KLF16: variants seen among roughly 807,000 people sequenced by gnomAD.
The protein encoded by KLF16 is KLF transcription factor 16.
KLF16 carries 6 observed loss-of-function variants against 6.1 expected under a neutral mutation model. The observed-to-expected ratio is 0.98, with a 90% CI of 0.54 to 1.93. The LOEUF (loss-of-function observed/expected upper bound fraction) is 1.93, where lower values mean the gene tolerates loss of function less well. Among genes scored for constraint, KLF16 ranks in the 30% most tolerant of loss-of-function variants. The pLI is 0.01. For synonymous variants in KLF16, 211 were observed against 176.5 expected (o/e 1.20, Z -1.55); for missense variants, 355 against 363.8 (o/e 0.98, Z 0.20).
In KLF16 at chr19:1,863,410, G is replaced by A. The variant is rs2012114792; in HGVS notation, c.88C>T (p.Pro30Ser). ...GCGGGGCCCGCGCCCTCGGGGCCGGGCCGCCCGCGGTGCACCACGGCGCCC... is the reference window on the plus strand; with the variant it reads ...GCGGGGCCCGCGCCCTCGGGGCCGGACCGCCCGCGGTGCACCACGGCGCCC... ...SSGAVVHRGR[P>S]GPEGAGPAAG... The change falls in exon 1 of 2, where the codon CCC becomes TCC. Residue 30 changes from proline to serine, a missense_variant. By Grantham distance (74) the Pro-to-Ser change is moderately conservative (BLOSUM62 -1). Coordinates refer to ENST00000250916, the MANE Select transcript of KLF16 (RefSeq NM_031918.4). 3 of 998,912 alleles carry A rather than the reference G, an allele frequency of 3.0e-6. No individual in the cohort carries two copies. Among genetic ancestry groups the A allele is most frequent in the South Asian group, 4.0e-5 (1 of 25,212 alleles). 61.9% of individuals were successfully genotyped at this position (998,912 alleles called of 1,614,324 possible).
the KLF16 span, among the ~76,000 whole-genome samples, chr19:1,873,726 G>C: frequency 1.3e-5 from 2 of 152,262 alleles, no homozygotes; most frequent in Non-Finnish European, 2.9e-5. Context: ...TCCTGGAATA[G>C]AGTGCTGGCC....
chr19:1,874,893 T>C, the KLF16 span: 4 of 151,198 alleles, frequency 2.6e-5, no homozygotes, highest in African/African-American at 9.7e-5. Flanking sequence ...GGCTTTTAAA[T>C]AGTCAAACGT....
chr19:1,870,548 C>G, the KLF16 span, among the ~76,000 whole-genome samples: 51 of 152,110 alleles, frequency 3.4e-4, no homozygotes, highest in African/African-American at 1.2e-3. Context: ...GTGTGCCTGT[C>G]GTCCCAGGTA....
intron 1 of KLF16, among the ~76,000 whole-genome samples, chr19:1,855,587 G>T (rs545136300): frequency 6.6e-6 from 1 of 152,342 alleles, no homozygotes; most frequent in African/African-American, 2.4e-5. Context: ...CCCCTAACCA[G>T]CCGTCACCAT....
chr19:1,870,217 A>G, the KLF16 span, among the ~76,000 whole-genome samples: 2 of 151,874 alleles, frequency 1.3e-5, no homozygotes, highest in African/African-American at 4.8e-5. Flanking sequence ...GGCGTGAGCC[A>G]CCACACCCGG....
chr19:1,859,297 G>A (rs1348740182), intron 1 of KLF16, among the ~76,000 whole-genome samples: 1 of 152,052 alleles, frequency 6.6e-6, no homozygotes, highest in Admixed American at 6.5e-5. Flanking sequence ...TCTTCAGCAA[G>A]GGATCAGAAA....
chr19:1,867,630 C>G (rs906642583), upstream of KLF16, among the ~76,000 whole-genome samples: 14 of 152,126 alleles, frequency 9.2e-5, no homozygotes, highest in Non-Finnish European at 1.9e-4. Flanking sequence ...CTTTGGGAGG[C>G]CAAGGCAGAT....
In KLF16 at chr19:1,863,311, G is replaced by C. The variant is rs2145370636; in HGVS notation, c.187C>G (p.Pro63Ala). The change falls in exon 1 of 2, where the codon CCC becomes GCC. Residue 63 changes from proline to alanine, a missense_variant. Pro to Ala is a conservative substitution (Grantham distance 27, BLOSUM62 -1). Coordinates refer to ENST00000250916, the MANE Select transcript of KLF16 (RefSeq NM_031918.4). ...CCGGGGCCCGGGCCAGAAGCGGCGG[G>C]GGGCGGCGGGGGTGGCCCCGGGGTC... The part of the protein sequence containing the change: ...PGTPGPPPPP[P>A]AASGPGPGAA... 1 of 981,874 alleles carries C rather than the reference G, an allele frequency of 1.0e-6. No homozygotes were observed. Among genetic ancestry groups the C allele is most frequent in the South Asian group, 4.5e-5 (1 of 22,056 alleles). The allele number at this position is 981,874 out of a possible 1,614,324, so 60.8% of individuals were successfully genotyped here.
Position 1,854,778 on chromosome 19 carries a change from G to A in KLF16, c.458-18C>T, listed in dbSNP as rs370600630. The A allele has an allele frequency of 2.9e-5, 46 of 1,596,658 alleles. No homozygotes were observed. The highest frequency in any genetic ancestry group is 4.0e-5 in the African/African-American group (3 of 74,624). On this transcript the variant is annotated intron_variant, in intron 1 of 1. Coordinates refer to ENST00000250916, the MANE Select transcript of KLF16 (RefSeq NM_031918.4). ...GCGTTCCCCTGGACGGAGAGACAGA[G>A]ACAGACAGCGGGTCAGCGGGGGCGG...
upstream of KLF16, among the ~76,000 whole-genome samples, chr19:1,868,331 G>T (rs1282843314): frequency 6.6e-6 from 1 of 152,092 alleles, no homozygotes; most frequent in Non-Finnish European, 1.5e-5. Flanking sequence ...TCAACATCAG[G>T]GGTGAAGTCG....
intron 1 of KLF16, among the ~76,000 whole-genome samples, chr19:1,859,055 G>C (rs1331397850): frequency 6.6e-6 from 1 of 152,054 alleles, no homozygotes; most frequent in Non-Finnish European, 1.5e-5. Context: ...CGGTGGGTGG[G>C]GGAGGGCAGT....
intron 1 of KLF16, among the ~76,000 whole-genome samples, chr19:1,861,161 G>A (rs2012057177): frequency 6.6e-6 from 1 of 152,154 alleles, no homozygotes; most frequent in Non-Finnish European, 1.5e-5. Flanking sequence ...TGCTGGCTTA[G>A]GGACCGCTGC....
In KLF16 at chr19:1,853,210, ACACT is replaced by A. The variant is rs992120843; in HGVS notation, c.*1245_*1248del. The A allele has an allele frequency of 1.3e-5, 2 of 148,632 alleles. No homozygotes were observed. The highest frequency in any genetic ancestry group is 6.7e-5 in the Admixed American group (1 of 14,916). The allele number at this position is 148,632 out of a possible 1,614,324, so 9.2% of individuals were successfully genotyped here. Reference sequence around the variant, plus strand: ...AGTTCAGCTCAGAGACCCCCCACACACACTCACACCCCCTGAGGATGCCGGACCA... The same window carrying A: ...AGTTCAGCTCAGAGACCCCCCACACACACACCCCCTGAGGATGCCGGACCA... On this transcript the variant is annotated 3_prime_UTR_variant, in exon 2 of 2. Coordinates refer to ENST00000250916, the MANE Select transcript of KLF16 (RefSeq NM_031918.4).
chr19:1,858,633 T>TCTTGCTCAGC (rs2012001620), intron 1 of KLF16, among the ~76,000 whole-genome samples: 1 of 152,078 alleles, frequency 6.6e-6, no homozygotes, highest in South Asian at 2.1e-4. Context: ...CAAGGGCAGA[T>TCTTGCTCAGC]AATGTTTGCT....
At chr19:1,856,022 G>A (rs1261099940) in intron 1 of KLF16, among the ~76,000 whole-genome samples, 3 of 152,258 alleles carry the variant, frequency 2.0e-5, no homozygotes, top group African/African-American at 4.8e-5. Flanking sequence ...AGCCACAGCA[G>A]GGCCAGGAGG....
the KLF16 span, among the ~76,000 whole-genome samples, chr19:1,869,322 CA>C: frequency 1.3e-5 from 2 of 151,752 alleles, no homozygotes; most frequent in African/African-American, 4.8e-5. Context: ...ACTAAAAACA[CA>C]AAAAAAATTA....
intron 1 of KLF16, chr19:1,860,361 C>G (rs1452151658): frequency 3.9e-5 from 6 of 152,442 alleles, no homozygotes; most frequent in Admixed American, 1.3e-4. Context: ...AGGTGCAGTC[C>G]TGCCGCCTGC....
rs933007416 is a variant in KLF16 at position 1,857,560 on chromosome 19, C to G, written c.458-2800G>C. ...TCCTGGAAACCTGGCCCGGCCCCGT[C>G]TGAGCCGGCACAGGAGGGGCCTGGA... On this transcript the variant is annotated intron_variant, in intron 1 of 1. Transcript: ENST00000250916. This position sits in a 1 kb window ranked among gnomAD's most constrained non-coding sequence, Gnocchi z 4.7. Among the ~76,000 whole-genome samples the G allele has an allele frequency of 6.6e-5, 10 of 152,258 alleles. No individual in the cohort carries two copies. Among genetic ancestry groups the G allele is most frequent in the African/African-American group, 2.2e-4 (9 of 41,558 alleles).
In KLF16 at chr19:1,863,132, G is replaced by T; in HGVS notation, c.366C>A (p.Ala122=). The T allele has an allele frequency of 7.5e-7, 1 of 1,340,834 alleles. No individual in the cohort carries two copies. Among genetic ancestry groups the T allele is most frequent in the South Asian group, 1.6e-5 (1 of 61,760 alleles). The allele number at this position is 1,340,834 out of a possible 1,614,324, so 83.1% of individuals were successfully genotyped here. A position where few individuals can be genotyped will look rare whatever the true frequency, so the allele number is the denominator to read the frequency against. ...SGRAPGAAPS[A]AAKSHRCPFP... ...AGGGACAGCGGTGGCTCTTGGCGGC[G>T]GCGGAGGGCGCGGCGCCGGGGGCGC... The change falls in exon 1 of 2, where the codon GCC becomes GCA. Residue 122 remains alanine (A), a synonymous_variant. Transcript: ENST00000250916.
Sources: gnomAD v4.1 joint callset for allele counts (sites outside exome capture counted in the v4.1 genomes callset) on GRCh38, gnomAD v4.1.1 for gene constraint, Gnocchi (gnomAD v3.1) non-coding constraint, MANE v1.5 for transcripts, NCBI Gene and HGNC (gene_info 2026-07-23, HGNC 2026-07-21) for gene names.